PRRC2B: variants seen among roughly 807,000 people sequenced by gnomAD.
PRRC2B encodes the protein protein PRRC2B.
In PRRC2B, 68 loss-of-function variants were observed where a neutral mutation model predicts 242.3. The ratio of observed to expected loss-of-function variants is 0.28; its 90% CI spans 0.23 to 0.34. The LOEUF is 0.34. PRRC2B is among the 10% of genes least tolerant of loss of function. PRRC2B has a pLI of 1.00. For missense variants in PRRC2B, 2,835 were observed against 2,954.8 expected (o/e 0.96, Z 0.94); for synonymous variants, 1,228 against 1,173.6 (o/e 1.05, Z -0.95).
chr9:131,441,715 A>C (rs1838584742), intron 5 of PRRC2B, among the ~76,000 whole-genome samples: 1 of 152,146 alleles, frequency 6.6e-6, no homozygotes, highest in Non-Finnish European at 1.5e-5. Context: ...AAGTGTTTTC[A>C]TGACTCTTTG....
In PRRC2B at chr9:131,463,852, C is replaced by T. The variant is rs115598095; in HGVS notation, c.1405-911C>T. Among the ~76,000 whole-genome samples, 984 of 151,594 alleles carry T rather than the reference C, an allele frequency of 6.5e-3. 11 individuals carry two copies. Among genetic ancestry groups the T allele is most frequent in the African/African-American group, 0.021 (862 of 41,298 alleles). On this transcript the variant is annotated intron_variant, in intron 11 of 31. Transcript: ENST00000683519. ...CTCACCATATTGCCCAGGCTGGTCT[C>T]GAGCTCCTAGGCTCATGCAGTCCCC...
intron 14 of PRRC2B, among the ~76,000 whole-genome samples, chr9:131,472,872 G>T (rs1588272233): frequency 6.6e-6 from 1 of 152,012 alleles, no homozygotes. Flanking sequence ...TCTAATTCCT[G>T]CCTTTTCTTG....
chr9:131,487,776 C>T lies in PRRC2B; in HGVS notation c.5985-80C>T. 3 of 1,537,600 alleles carry T rather than the reference C, an allele frequency of 2.0e-6. No individual in the cohort carries two copies. The highest frequency in any genetic ancestry group is 1.8e-6 in the Non-Finnish European group (2 of 1,136,290). ...GGGGATCTGTGGTTTAGCAAGCTCT[C>T]CGGGGATCTCTGAAGGGTGGGACCA... is the stretch of plus-strand genomic sequence containing the variant. On this transcript the variant is annotated intron_variant, in intron 27 of 31. Coordinates refer to ENST00000683519, the MANE Select transcript of PRRC2B (RefSeq NM_013318.4). The surrounding 1 kb of genome is among the most constrained non-coding windows in gnomAD (Gnocchi z 5.3).
chr9:131,461,708 C>T (rs933412317), intron 11 of PRRC2B, among the ~76,000 whole-genome samples: 3 of 152,092 alleles, frequency 2.0e-5, no homozygotes, highest in African/African-American at 7.2e-5. Flanking sequence ...GCCTGGCTAA[C>T]TTTTGTATTT....
rs370253601 is a variant in PRRC2B, at chr9:131,487,979, G to A, written c.6108G>A (p.Pro2036=). Residue 2036 remains proline (P), a synonymous_variant, in exon 28 of 32, where the codon CCG becomes CCA. Coordinates refer to ENST00000683519, the MANE Select transcript of PRRC2B (RefSeq NM_013318.4). The surrounding 1 kb of genome is among the most constrained non-coding windows in gnomAD (Gnocchi z 5.3). The part of the protein sequence containing the change: ...PGMQPLEMVK[P]QSGSPYQPMS... ...TGCAGCCCTTGGAGATGGTGAAGCC[G>A]CAGTCTGGCTCACCCTACCAGCCCA... 30 of 1,611,926 alleles carry A rather than the reference G, an allele frequency of 1.9e-5. No individual in the cohort carries two copies. The highest frequency in any genetic ancestry group is 2.2e-5 in the South Asian group (2 of 90,746).
At position 131,478,444 on chromosome 9, in the gene PRRC2B, A is replaced by G. The variant is rs778883913; in HGVS notation, c.4613-30A>G. 3.1e-6 allele frequency: 5 copies of G among 1,609,848 alleles called. No individual in the cohort carries two copies. In the East Asian group the frequency reaches 9.0e-5, roughly 29 times the overall value. ...TTCTTGTCTCCTGGTGAGTGGAAAG[A>G]CTGTTCCTTCTCGTGAAATCTTGGT... On this transcript the variant is annotated intron_variant, in intron 17 of 31. Coordinates refer to ENST00000683519, the MANE Select transcript of PRRC2B (RefSeq NM_013318.4).
chr9:131,380,520 A>G (rs1022963693), intron 1 of PRRC2B, among the ~76,000 whole-genome samples: 2 of 150,980 alleles, frequency 1.3e-5, no homozygotes, highest in Non-Finnish European at 3.0e-5. Context: ...CGGAGGTTGC[A>G]GTGAGCTGAG....
intron 14 of PRRC2B, among the ~76,000 whole-genome samples, chr9:131,471,303 C>G (rs561168949): frequency 6.6e-6 from 1 of 152,092 alleles, no homozygotes; most frequent in Non-Finnish European, 1.5e-5. Context: ...ATTAGTCTTT[C>G]CCAAGGTTTG....
chr9:131,383,648 C>CTGGAGTGCAGTGGCCCAGGA (rs1009568428), intron 1 of PRRC2B, among the ~76,000 whole-genome samples: 4 of 137,456 alleles, frequency 2.9e-5, no homozygotes, highest in African/African-American at 1.1e-4. Context: ...GTCACCCAGG[C>CTGGAGTGCAGTGGCCCAGGA]TGGAGTGCAG....
intron 1 of PRRC2B, among the ~76,000 whole-genome samples, chr9:131,400,753 A>C (rs1286165040): frequency 6.6e-6 from 1 of 152,206 alleles, no homozygotes; most frequent in East Asian, 1.9e-4. Flanking sequence ...GGGGGGTCTC[A>C]GTCCTGGTTA....
At chr9:131,384,847 G>A (rs1836807703) in intron 1 of PRRC2B, among the ~76,000 whole-genome samples, 2 of 152,152 alleles carry the variant, frequency 1.3e-5, no homozygotes, top group African/African-American at 4.8e-5. Context: ...GAGCCACCGC[G>A]CCTGGTCGAA....
At position 131,430,129 on chromosome 9, in the gene PRRC2B, A is replaced by G; in HGVS notation, c.-16A>G. On this transcript the variant is annotated 5_prime_UTR_variant, in exon 2 of 32. It removes an upstream start codon present in the reference 5' UTR. Transcript: ENST00000683519. ...GTGCCGAGAAAAATTTCCTTACTAG[A>G]TGACATTTCATCGCAATGTCCGATC... 1.3e-6 allele frequency: 2 copies of G among 1,521,188 alleles called. No homozygotes were observed. Among genetic ancestry groups the G allele is most frequent in the Non-Finnish European group, 1.8e-6 (2 of 1,107,630 alleles). 94.2% of individuals were successfully genotyped at this position (1,521,188 alleles called of 1,614,324 possible). A position where few individuals can be genotyped will look rare whatever the true frequency, so the allele number is the denominator to read the frequency against.
intron 8 of PRRC2B, 105 bp downstream of exon 8, chr9:131,447,311 C>A: frequency 7.0e-7 from 1 of 1,420,486 alleles, no homozygotes; most frequent in Non-Finnish European, 9.6e-7. Context: ...CTGGAGACCA[C>A]AGAGAACTTA....
In PRRC2B at chr9:131,487,072, G is replaced by T; in HGVS notation, c.5857-95G>T. ...CATTTGAATTTTGGGCAGTGTTCCAGCAGCCATGTGGAGAGGGGCAGGGGA... is the reference window on the plus strand; with the variant it reads ...CATTTGAATTTTGGGCAGTGTTCCATCAGCCATGTGGAGAGGGGCAGGGGA... On this transcript the variant is annotated intron_variant, in intron 26 of 31. Transcript: ENST00000683519. This position sits in a 1 kb window ranked among gnomAD's most constrained non-coding sequence, Gnocchi z 5.3. 9.1e-6 allele frequency: 10 copies of T among 1,093,506 alleles called. No homozygotes were observed. In the South Asian group the frequency reaches 1.3e-4, roughly 14 times the overall value. 67.7% of individuals were successfully genotyped at this position (1,093,506 alleles called of 1,614,324 possible). A position where few individuals can be genotyped will look rare whatever the true frequency, so the allele number is the denominator to read the frequency against.
intron 18 of PRRC2B, 76 bp from the exon 19 acceptor site, chr9:131,479,176 T>A: frequency 6.8e-7 from 1 of 1,479,612 alleles, no homozygotes; most frequent in South Asian, 1.2e-5. Context: ...TTTTGGTACC[T>A]GGGATACTTA....
At chr9:131,417,800 G>A (rs919299714) in intron 1 of PRRC2B, among the ~76,000 whole-genome samples, 3 of 152,296 alleles carry the variant, frequency 2.0e-5, no homozygotes, top group Admixed American at 1.3e-4. Flanking sequence ...ATGTGTGTGC[G>A]TGGAGATGCG....
chr9:131,447,011 C>T, intron 7 of PRRC2B, 74 bp from the exon 8 acceptor site: 1 of 1,584,662 alleles, frequency 6.3e-7, no homozygotes. Context: ...CTTTATAAAA[C>T]ACATTCTGAT....
At chr9:131,428,010 C>T (rs896495516) in intron 1 of PRRC2B, among the ~76,000 whole-genome samples, 3 of 152,152 alleles carry the variant, frequency 2.0e-5, no homozygotes, top group Admixed American at 1.3e-4. Context: ...CAACCTCTGC[C>T]TCCTGGGTTC....
chr9:131,416,883 G>C (rs929250995), intron 1 of PRRC2B, among the ~76,000 whole-genome samples: 2 of 152,122 alleles, frequency 1.3e-5, no homozygotes, highest in African/African-American at 4.8e-5. Flanking sequence ...GGGAAAAAAA[G>C]TTTATTTCAT....
Sources: allele counts gnomAD v4.1 joint callset (sites outside exome capture counted in the v4.1 genomes callset), GRCh38; gene constraint gnomAD v4.1.1; non-coding constraint Gnocchi (gnomAD v3.1); transcripts MANE v1.5; gene names NCBI Gene and HGNC (gene_info 2026-07-23, HGNC 2026-07-21).